The following CFAP299 variants were observed in gnomAD, a reference collection of about 807,000 sequenced individuals.
CFAP299 encodes the protein cilia and flagella associated protein 299.
A neutral mutation model predicts 27.0 loss-of-function variants in CFAP299; 21 were observed. That is an observed-to-expected ratio of 0.78 (90% CI 0.55 to 1.12). The LOEUF (loss-of-function observed/expected upper bound fraction) is 1.12. CFAP299 is among the 50% of genes most tolerant of loss of function. The pLI, the probability that CFAP299 is intolerant of heterozygous loss-of-function variation, is 0.00. For synonymous variants in CFAP299, 104 were observed against 98.1 expected (o/e 1.06, Z -0.36); for missense variants, 310 against 276.6 (o/e 1.12, Z -0.86).
intron 4 of CFAP299, among the ~76,000 whole-genome samples, chr4:80,899,576 G>A (rs1379170237): frequency 2.0e-5 from 3 of 152,156 alleles, no homozygotes. Flanking sequence ...AGCATGAAAG[G>A]CAAGGACAGA....
chr4:80,817,378 A>G (rs914565259), intron 3 of CFAP299, among the ~76,000 whole-genome samples: 1 of 152,124 alleles, frequency 6.6e-6, no homozygotes, highest in African/African-American at 2.4e-5. Context: ...TAATATTAAC[A>G]TATGAATAAA....
At chr4:80,387,225 G>T (rs898124831) in intron 2 of CFAP299, 16 of 1,462,450 alleles carry the variant, frequency 1.1e-5, no homozygotes, top group Non-Finnish European at 1.5e-5. Context: ...TACATCGGGG[G>T]TAAGTCCTTG....
intron 2 of CFAP299, among the ~76,000 whole-genome samples, chr4:80,477,510 T>C (rs148229177): frequency 5.9e-5 from 9 of 152,342 alleles, no homozygotes; most frequent in Admixed American, 4.6e-4. Context: ...CTTTCCTTCA[T>C]TGAGCTTGTT....
At chr4:80,349,601 G>A (rs939762253) in intron 1 of CFAP299, among the ~76,000 whole-genome samples, 1 of 152,136 alleles carries the variant, frequency 6.6e-6, no homozygotes, top group African/African-American at 2.4e-5. Context: ...AAATAATAAT[G>A]TCAGAGTGAA....
chr4:80,428,433 A>G lies in CFAP299; in HGVS notation c.242+65549A>G, dbSNP rs114559014. 8.9e-3 allele frequency among the ~76,000 whole-genome samples: 1,353 copies of G among 152,372 alleles called. 24 individuals carry two copies. The highest frequency in any genetic ancestry group is 0.03 in the African/African-American group (1,246 of 41,594). Reference sequence around the variant, plus strand: ...ACCAGCTGAATTACTCTGGGAAAATAATGCATAAATATAGTAACATATGAA... The same window carrying G: ...ACCAGCTGAATTACTCTGGGAAAATGATGCATAAATATAGTAACATATGAA... On this transcript the variant is annotated intron_variant, in intron 2 of 5. Transcript: ENST00000358105.
At chr4:80,375,090 C>G (rs1169827167) in intron 2 of CFAP299, among the ~76,000 whole-genome samples, 1 of 152,030 alleles carries the variant, frequency 6.6e-6, no homozygotes, top group Non-Finnish European at 1.5e-5. Flanking sequence ...AAGTGCAGTT[C>G]AAAGGCCTAA....
chr4:80,856,644 C>T (rs1037510626), intron 3 of CFAP299, among the ~76,000 whole-genome samples: 2 of 152,264 alleles, frequency 1.3e-5, no homozygotes, highest in Middle Eastern at 3.4e-3. Flanking sequence ...TTCCCAGCAC[C>T]ATTTACTAAA....
At chr4:80,897,786 T>C (rs1263506286) in intron 4 of CFAP299, among the ~76,000 whole-genome samples, 1 of 152,202 alleles carries the variant, frequency 6.6e-6, no homozygotes, top group Non-Finnish European at 1.5e-5. Context: ...GCCCTGTGTC[T>C]TTCCCCACAT....
intron 2 of CFAP299, among the ~76,000 whole-genome samples, chr4:80,373,418 G>C (rs1278933116): frequency 5.9e-5 from 9 of 152,106 alleles, no homozygotes; most frequent in African/African-American, 2.2e-4. Context: ...ATGAATACTT[G>C]CTATGGTGAA....
chr4:80,591,122 T>TTTA (rs1560643022), intron 3 of CFAP299, among the ~76,000 whole-genome samples: 1 of 141,468 alleles, frequency 7.1e-6, no homozygotes, highest in African/African-American at 2.6e-5. Flanking sequence ...TTTTTTTTTT[T>TTTA]TTTTTTTTTA....
chr4:80,743,968 T>TTTAA (rs1384867530), intron 3 of CFAP299, among the ~76,000 whole-genome samples: 1 of 152,228 alleles, frequency 6.6e-6, no homozygotes, highest in Non-Finnish European at 1.5e-5. Flanking sequence ...GGAGATTTAC[T>TTTAA]TTAATGTGTT....
At chr4:80,471,433 C>A (rs1360861698) in intron 2 of CFAP299, among the ~76,000 whole-genome samples, 1 of 151,474 alleles carries the variant, frequency 6.6e-6, no homozygotes, top group Non-Finnish European at 1.5e-5. Context: ...TACTGCTACA[C>A]CATTTAAAAG....
chr4:80,950,595 AAAGGCATGGGAGCACG>A (rs1164372232), intron 5 of CFAP299, among the ~76,000 whole-genome samples: 3 of 152,150 alleles, frequency 2.0e-5, no homozygotes, highest in Admixed American at 1.3e-4. Flanking sequence ...AACCATGCAC[AAAGGCATGGGAGCACG>A]AAGGCATGGG....
Position 80,869,987 on chromosome 4 carries a change from T to C in CFAP299, c.334-6T>C. The C allele has an allele frequency of 1.2e-6, 2 of 1,607,320 alleles. No individual in the cohort carries two copies. Among genetic ancestry groups the C allele is most frequent in the Non-Finnish European group, 1.7e-6 (2 of 1,177,208 alleles). Reference sequence around the variant, plus strand: ...TTTTGTCTTATTCTCTATTCTGTGCTACCAGTCCGTGATCTTTATTCGTGA... The same window carrying C: ...TTTTGTCTTATTCTCTATTCTGTGCCACCAGTCCGTGATCTTTATTCGTGA... On this transcript the variant is annotated splice_polypyrimidine_tract_variant and splice_region_variant and intron_variant, in intron 3 of 5. Coordinates refer to ENST00000358105, the MANE Select transcript of CFAP299 (RefSeq NM_152770.3).
At position 80,522,494 on chromosome 4, in the gene CFAP299, T is replaced by A. The variant is rs189884762; in HGVS notation, c.243-60599T>A. 7.9e-4 allele frequency among the ~76,000 whole-genome samples: 120 copies of A among 152,210 alleles called. 1 individual carries two copies. The highest frequency in any genetic ancestry group is 2.8e-3 in the African/African-American group (117 of 41,564). On this transcript the variant is annotated intron_variant, in intron 2 of 5. Transcript: ENST00000358105. Reference sequence around the variant, plus strand: ...GATGGTTCCCTTGGCTGCACAGAAGTTTTTTAATTTGATGTATTCTCACTT... The same window carrying A: ...GATGGTTCCCTTGGCTGCACAGAAGATTTTTAATTTGATGTATTCTCACTT...
chr4:80,830,516 A>G (rs186959151), intron 3 of CFAP299, among the ~76,000 whole-genome samples: 104 of 152,166 alleles, frequency 6.8e-4, no homozygotes, highest in Admixed American at 2.9e-3. Context: ...AGCTTAAAGT[A>G]TGCAACAGAA....
intron 2 of CFAP299, among the ~76,000 whole-genome samples, chr4:80,561,363 T>C (rs1315276080): frequency 6.6e-6 from 1 of 152,126 alleles, no homozygotes; most frequent in Non-Finnish European, 1.5e-5. Flanking sequence ...TCAGCCCAGA[T>C]AGTGAAGGCT....
intron 3 of CFAP299, among the ~76,000 whole-genome samples, chr4:80,675,027 G>T (rs149776681): frequency 6.6e-6 from 1 of 152,120 alleles, no homozygotes; most frequent in Admixed American, 6.5e-5. Context: ...ACTTCTATCA[G>T]CTCATCAAAG....
At chr4:80,406,563 A>G (rs906162082) in intron 2 of CFAP299, among the ~76,000 whole-genome samples, 1 of 152,066 alleles carries the variant, frequency 6.6e-6, no homozygotes, top group Non-Finnish European at 1.5e-5. Context: ...ATGAGGTCTC[A>G]CCATATTTCC....
Sources: gnomAD v4.1 joint callset for allele counts (sites outside exome capture counted in the v4.1 genomes callset) on GRCh38, gnomAD v4.1.1 for gene constraint, MANE v1.5 for transcripts, NCBI Gene and HGNC (gene_info 2026-07-23, HGNC 2026-07-21) for gene names.